NUMA1: variants seen among roughly 807,000 people sequenced by gnomAD.
NUMA1 encodes the protein SP-H antigen.
In NUMA1, 62 loss-of-function variants were observed where a neutral mutation model predicts 237.1. The observed-to-expected ratio is 0.26, with a 90% confidence interval of 0.21 to 0.32. The LOEUF (loss-of-function observed/expected upper bound fraction) is 0.32. Among genes scored for constraint, NUMA1 ranks in the 10% least tolerant of loss-of-function variants. The pLI is 1.00. For synonymous variants in NUMA1, 1,028 were observed against 1,066.1 expected (o/e 0.96, Z 0.70); for missense variants, 2,533 against 2,666.5 (o/e 0.95, Z 1.10).
intron 17 of NUMA1, among the ~76,000 whole-genome samples, chr11:72,009,856 A>G (rs779957535): frequency 7.2e-5 from 11 of 152,190 alleles, no homozygotes; most frequent in Non-Finnish European, 1.5e-4. Context: ...ATTTAAGCAA[A>G]TTGACCAGAG....
intron 20 of NUMA1, 43 bp from the exon 21 acceptor site, chr11:72,007,478 A>T: frequency 6.2e-7 from 1 of 1,605,352 alleles, no homozygotes; most frequent in Non-Finnish European, 8.5e-7. Flanking sequence ...TTCACGCTAG[A>T]AGGCATTTTG....
At chr11:72,075,194 C>G (rs541408753) in intron 1 of NUMA1, among the ~76,000 whole-genome samples, 122 of 152,282 alleles carry the variant, frequency 8.0e-4, no homozygotes, top group African/African-American at 2.9e-3. Flanking sequence ...AAGGTATTGT[C>G]TCTCAGCTCC....
Position 72,006,204 on chromosome 11 carries a change from A to G in NUMA1, c.5523T>C (p.Ala1841=). The G allele has an allele frequency of 2.5e-6, 4 of 1,614,156 alleles. No homozygotes were observed. The highest frequency in any genetic ancestry group is 2.5e-6 in the Non-Finnish European group (3 of 1,180,020). The change falls in exon 22 of 27, where the codon GCT becomes GCC. Residue 1841 remains alanine, a synonymous_variant. Coordinates refer to ENST00000393695, the MANE Select transcript of NUMA1 (RefSeq NM_006185.4). ...ANSSFYSTRS[A]PASQASLRAT... ...CTCGCAGGCTAGCCTGGGAAGCAGG[A>G]GCAGACCGCGTGCTGTAGAACGATG...
chr11:72,026,268 C>T (rs780835780), intron 4 of NUMA1, among the ~76,000 whole-genome samples: 3 of 152,260 alleles, frequency 2.0e-5, no homozygotes, highest in Non-Finnish European at 4.4e-5. Flanking sequence ...GGTCTTCCTG[C>T]AGCACTCATG....
chr11:72,014,750 C>A lies in NUMA1; in HGVS notation c.2753G>T (p.Arg918Leu), dbSNP rs143299097. 1.9e-6 allele frequency: 3 copies of A among 1,614,148 alleles called. No individual in the cohort carries two copies. The South Asian group carries it at 3.3e-5, about 18-fold the overall frequency. ...TGCCTTGCGCACCAAGGTCTCCAAG[C>A]GGGCCACCTCTTTGCTGGTGGCAGC... ...KMAATSKEVA[R>L]LETLVRKAGE... The change falls in exon 15 of 27, where the codon CGC becomes CTC. Residue 918 changes from arginine (R) to leucine (L), a missense_variant. Around this residue, in one of 3 missense-constraint regions of NUMA1, gnomAD observed 1,414 missense variants for 1,508.1 expected, o/e 0.94. Coordinates refer to ENST00000393695, the MANE Select transcript of NUMA1 (RefSeq NM_006185.4). This position sits in a 1 kb window ranked among gnomAD's most constrained non-coding sequence, Gnocchi z 4.6.
At chr11:72,046,310 C>T (rs984543243) in intron 2 of NUMA1, among the ~76,000 whole-genome samples, 1 of 152,072 alleles carries the variant, frequency 6.6e-6, no homozygotes, top group Non-Finnish European at 1.5e-5. Flanking sequence ...TTTGGGAGGC[C>T]GAGGCAGGCG....
chr11:72,080,276 C>T (rs868846966), intron 1 of NUMA1, 182 bp downstream of exon 1: 2 of 146,000 alleles, frequency 1.4e-5, no homozygotes, highest in Non-Finnish European at 3.0e-5. Context: ...ACCCCCCCCC[C>T]CCCCGGCTCC....
intron 2 of NUMA1, among the ~76,000 whole-genome samples, chr11:72,052,388 A>G (rs1942414752): frequency 1.3e-5 from 2 of 152,362 alleles, no homozygotes; most frequent in South Asian, 4.1e-4. Context: ...CATTCTAGGC[A>G]GAGAAAACAG....
In NUMA1 at chr11:72,005,369, C is replaced by G; in HGVS notation, c.5693G>C (p.Gly1898Ala). The part of the protein sequence containing the change: ...QAGVSSGAPP[G>A]RNSFYMGTCQ... The stretch of plus-strand genomic sequence containing the variant: ...AGTGCCCATGTAGAAGCTGTTCCTT[C>G]CTGTGGAAGGCAGGGAAGTGGGAAC... Residue 1898 changes from glycine (G) to alanine (A), a missense_variant and splice_region_variant, in exon 23 of 27, where the codon GGA (glycine) becomes GCA (alanine). Gly to Ala is a moderately conservative substitution (Grantham distance 60, BLOSUM62 0). Transcript: ENST00000393695. 3 of 1,604,274 alleles carry G rather than the reference C, an allele frequency of 1.9e-6. No homozygotes were observed. Among genetic ancestry groups the G allele is most frequent in the Non-Finnish European group, 2.6e-6 (3 of 1,175,926 alleles).
In NUMA1 at chr11:72,015,913, C is replaced by T; in HGVS notation, c.1590G>A (p.Glu530=). Residue 530 remains glutamate (E), a synonymous_variant, in exon 15 of 27, where the codon GAG becomes GAA. Transcript: ENST00000393695. The surrounding 1 kb of genome is among the most constrained non-coding windows in gnomAD (Gnocchi z 4.0). ...GGGTCTGTGCTAGCTGGGCCTGCTTCTCTTTGGCCTGCTGCTTCAGGCCAG... is the reference window on the plus strand; with the variant it reads ...GGGTCTGTGCTAGCTGGGCCTGCTTTTCTTTGGCCTGCTGCTTCAGGCCAG... ...ELAGLKQQAK[E]KQAQLAQTLQ... is the part of the protein sequence containing the mutation. 2 of 1,614,126 alleles carry T rather than the reference C, an allele frequency of 1.2e-6. No homozygotes were observed. Among genetic ancestry groups the T allele is most frequent in the Non-Finnish European group, 1.7e-6 (2 of 1,180,028 alleles).
chr11:72,019,214 T>C (rs1018969352), intron 9 of NUMA1, among the ~76,000 whole-genome samples: 2 of 152,160 alleles, frequency 1.3e-5, no homozygotes, highest in African/African-American at 4.8e-5. Context: ...ATATTCTCCT[T>C]GGCTCTGCAG....
chr11:72,046,436 C>T (rs925291895), intron 2 of NUMA1, among the ~76,000 whole-genome samples: 6 of 151,796 alleles, frequency 4.0e-5, no homozygotes, highest in African/African-American at 1.2e-4. Flanking sequence ...CCCAGCTATT[C>T]GGGAGGCTGA....
intron 16 of NUMA1, 162 bp downstream of exon 16, chr11:72,012,239 C>A: frequency 2.9e-6 from 2 of 691,024 alleles, no homozygotes; most frequent in East Asian, 2.6e-5. Context: ...CCCAGCACAC[C>A]ACACTCCTGG....
At chr11:72,058,605 T>A (rs1211219868) in intron 2 of NUMA1, among the ~76,000 whole-genome samples, 2 of 152,234 alleles carry the variant, frequency 1.3e-5, no homozygotes, top group Non-Finnish European at 2.9e-5. Context: ...ACACATACTT[T>A]CCTTGTTGTC....
chr11:72,026,104 T>C (rs1273345521), intron 4 of NUMA1, among the ~76,000 whole-genome samples: 1 of 152,172 alleles, frequency 6.6e-6, no homozygotes, highest in East Asian at 1.9e-4. Context: ...CCCCACCCCC[T>C]ACAAAGCCTG....
intron 5 of NUMA1, 73 bp downstream of exon 5, chr11:72,024,201 A>T: frequency 7.4e-7 from 1 of 1,349,478 alleles, no homozygotes; most frequent in Non-Finnish European, 1.1e-6. Flanking sequence ...CCCATGAACT[A>T]GTTCCTCTGG....
intron 1 of NUMA1, among the ~76,000 whole-genome samples, chr11:72,074,141 C>T (rs2136317618): frequency 6.6e-6 from 1 of 151,144 alleles, no homozygotes; most frequent in Non-Finnish European, 1.5e-5. Flanking sequence ...TTGCAGTGAG[C>T]CAAGATCACG....
chr11:72,004,103 CAAGG>C lies in NUMA1; in HGVS notation c.6124-8_6124-5del, dbSNP rs1225503150. 1 of 1,613,184 alleles carries C rather than the reference CAAGG, an allele frequency of 6.2e-7. No individual in the cohort carries two copies. Among genetic ancestry groups the C allele is most frequent in the Non-Finnish European group, 8.5e-7 (1 of 1,179,670 alleles). On this transcript the variant is annotated splice_polypyrimidine_tract_variant and splice_region_variant and intron_variant, in intron 25 of 26. Coordinates refer to ENST00000393695, the MANE Select transcript of NUMA1 (RefSeq NM_006185.4). ...CCATCGACTGGCGCCGGTCAGCCTG[CAAGG>C]AAGGGCTGTCAGACCGGGAGACCCA...
intron 2 of NUMA1, among the ~76,000 whole-genome samples, chr11:72,059,204 C>A (rs536562289): frequency 1.3e-5 from 2 of 152,280 alleles, no homozygotes; most frequent in South Asian, 4.1e-4. Flanking sequence ...ATAATATGTT[C>A]TGCAACTTGC....
Sources: gnomAD v4.1 joint callset for allele counts (sites outside exome capture counted in the v4.1 genomes callset) on GRCh38, gnomAD v4.1.1 for gene constraint, gnomAD v4.1.1 regional missense constraint, Gnocchi (gnomAD v3.1) non-coding constraint, MANE v1.5 for transcripts, NCBI Gene and HGNC (gene_info 2026-07-23, HGNC 2026-07-21) for gene names.